Variants in FRY observed in about 807,000 individuals in gnomAD.
FRY encodes the protein protein furry homolog.
A neutral mutation model predicts 348.4 loss-of-function variants in FRY; 128 were observed. The ratio of observed to expected loss-of-function variants is 0.37; its 90% CI spans 0.32 to 0.43. The LOEUF is 0.43. Ranked by LOEUF, FRY falls within the 20% of genes least tolerant of loss-of-function variation. The probability of loss-of-function intolerance (pLI) is 1.00; values close to 1 mark genes in which losing one functional copy is unlikely to be tolerated. For missense variants in FRY, 2,736 were observed against 3,695.2 expected (o/e 0.74, Z 6.73); for synonymous variants, 1,370 against 1,374.7 (o/e 1.00, Z 0.08).
rs1237966391 is a variant in FRY, at chr13:32,294,490, T to C, written c.8703T>C (p.Thr2901=). 4.0e-5 allele frequency: 65 copies of C among 1,614,108 alleles called. No individual in the cohort carries two copies. Among genetic ancestry groups the C allele is most frequent in the Non-Finnish European group, 5.3e-5 (63 of 1,179,946 alleles). The change falls in exon 60 of 61, where the codon ACT becomes ACC. Residue 2901 remains threonine, a synonymous_variant. Coordinates refer to ENST00000542859, the MANE Select transcript of FRY (RefSeq NM_023037.3). ...GGTCCGAGCCCACCTTCACGTCCAC[T>C]GAAGCAGCCATCCAGTCCATGCTGG... ...GAWSEPTFTS[T]EAAIQSMLEC...
Position 32,247,321 on chromosome 13 carries a change from A to T in FRY, c.6829-2A>T, listed in dbSNP as rs1459265454. ...AACCCTTGAATGTTTTATTTCCTGCAGAGTGTTCACTGGAGAGAAGCTCTG... is the reference window on the plus strand; with the variant it reads ...AACCCTTGAATGTTTTATTTCCTGCTGAGTGTTCACTGGAGAGAAGCTCTG... On this transcript the variant is annotated splice_acceptor_variant, in intron 47 of 60. Coordinates refer to ENST00000542859, the MANE Select transcript of FRY (RefSeq NM_023037.3). LOFTEE classifies it high-confidence loss of function. 6.2e-7 allele frequency: 1 copy of T among 1,610,324 alleles called. No homozygotes were observed.
At chr13:32,094,934 C>A (rs1876586825) in intron 2 of FRY, among the ~76,000 whole-genome samples, 1 of 152,192 alleles carries the variant, frequency 6.6e-6, no homozygotes, top group South Asian at 2.1e-4. Context: ...AACTGTTCTC[C>A]ATAGTGGTTG....
chr13:32,241,728 TA>T (rs1310728610), intron 46 of FRY, among the ~76,000 whole-genome samples: 1 of 152,280 alleles, frequency 6.6e-6, no homozygotes, highest in East Asian at 1.9e-4. Flanking sequence ...ATACACTTTT[TA>T]AAAAAATGGT....
At chr13:32,267,918 G>GA (rs1421958750) in intron 55 of FRY, among the ~76,000 whole-genome samples, 1 of 152,188 alleles carries the variant, frequency 6.6e-6, no homozygotes, top group Non-Finnish European at 1.5e-5. Flanking sequence ...TAGCCCTTAA[G>GA]AATCAGGCCA....
intron 1 of FRY, among the ~76,000 whole-genome samples, chr13:32,040,830 T>A (rs76392400): frequency 0.017 from 2,612 of 152,286 alleles, 74 homozygotes; most frequent in African/African-American, 0.059. Context: ...TATATGATGA[T>A]ACAGCTAAAG....
chr13:32,265,567 G>A lies in FRY; in HGVS notation c.7897G>A (p.Glu2633Lys), dbSNP rs199712284. ...CSDSFSLDMT[E>K]GEEKGNRALD... Reference sequence around the variant, plus strand: ...CGACAGCTTTAGCCTGGACATGACTGAGGGGGAAGAAAAAGGCAATCGGGC... The same window carrying A: ...CGACAGCTTTAGCCTGGACATGACTAAGGGGGAAGAAAAAGGCAATCGGGC... The change falls in exon 54 of 61, where the codon GAG (glutamate) becomes AAG (lysine). Residue 2633 changes from glutamate to lysine, a missense_variant. Glu to Lys is a moderately conservative substitution (Grantham distance 56, BLOSUM62 1). This residue lies in a region of FRY where 789 missense variants were observed against 996.2 expected (regional missense o/e 0.79). Transcript: ENST00000542859. 1 of 1,614,202 alleles carries A rather than the reference G, an allele frequency of 6.2e-7. No individual in the cohort carries two copies. The highest frequency in any genetic ancestry group is 2.2e-5 in the East Asian group (1 of 44,886).
At chr13:32,204,812 T>A (rs2762038) in intron 31 of FRY, among the ~76,000 whole-genome samples, 1 of 151,710 alleles carries the variant, frequency 6.6e-6, no homozygotes, top group Non-Finnish European at 1.5e-5. Context: ...CAAGATTTGT[T>A]TGCTGCCTAC....
chr13:32,217,335 G>T (rs1431361342), intron 35 of FRY, among the ~76,000 whole-genome samples: 3 of 151,884 alleles, frequency 2.0e-5, no homozygotes, highest in African/African-American at 7.3e-5. Context: ...TGCCCACACT[G>T]CCCCTGAACC....
intron 59 of FRY, 72 bp from the exon 60 acceptor site, chr13:32,294,296 T>C (rs1395102086): frequency 9.5e-7 from 1 of 1,050,926 alleles, no homozygotes; most frequent in Non-Finnish European, 1.5e-6. Context: ...TAAGATCCTT[T>C]TTTTTTCCTT....
intron 1 of FRY, among the ~76,000 whole-genome samples, chr13:32,059,648 T>C (rs1175009792): frequency 2.1e-5 from 3 of 145,620 alleles, no homozygotes; most frequent in African/African-American, 7.7e-5. Flanking sequence ...CCAAATAGTG[T>C]ACCTTGTACC....
intron 8 of FRY, among the ~76,000 whole-genome samples, chr13:32,132,777 G>T (rs1187962454): frequency 6.6e-5 from 10 of 152,118 alleles, no homozygotes; most frequent in Non-Finnish European, 1.2e-4. Context: ...CCAAAAAGTG[G>T]AAACAACCCA....
chr13:32,150,573 G>T (rs1216230292), intron 14 of FRY, among the ~76,000 whole-genome samples: 1 of 152,008 alleles, frequency 6.6e-6, no homozygotes, highest in Non-Finnish European at 1.5e-5. Flanking sequence ...CAGTAAAAAG[G>T]ACAAAATGCC....
intron 23 of FRY, 102 bp from the exon 24 acceptor site, chr13:32,182,875 T>C (rs556490640): frequency 8.0e-6 from 6 of 753,798 alleles, no homozygotes; most frequent in African/African-American, 1.7e-5. Flanking sequence ...AGAAGCAAAG[T>C]GTAAAAAGCA....
intron 28 of FRY, among the ~76,000 whole-genome samples, chr13:32,193,840 A>G (rs990581356): frequency 1.3e-5 from 2 of 152,070 alleles, no homozygotes; most frequent in Non-Finnish European, 2.9e-5. Flanking sequence ...CACCCACCTC[A>G]GCCTCCCAAA....
intron 11 of FRY, among the ~76,000 whole-genome samples, chr13:32,145,074 A>G (rs1212934443): frequency 1.3e-5 from 2 of 152,196 alleles, no homozygotes; most frequent in African/African-American, 4.8e-5. Flanking sequence ...CACTTCTATC[A>G]TGGAAATAGA....
chr13:32,257,017 A>G (rs1384085872), intron 51 of FRY, among the ~76,000 whole-genome samples: 1 of 152,238 alleles, frequency 6.6e-6, no homozygotes, highest in Non-Finnish European at 1.5e-5. Context: ...CAGGCTGTGT[A>G]TTTAAGGTGT....
At position 32,254,209 on chromosome 13, in the gene FRY, A is replaced by T. The variant is rs908770324; in HGVS notation, c.7246-15A>T. ...AGGGAGAACGGTTTCTCAGGAGAGG[A>T]CTCTTGATTCGCAGGTGATTTTTTC... On this transcript the variant is annotated splice_polypyrimidine_tract_variant and intron_variant, in intron 50 of 60. Transcript: ENST00000542859. 2 of 1,613,076 alleles carry T rather than the reference A, an allele frequency of 1.2e-6. No homozygotes were observed. Among genetic ancestry groups the T allele is most frequent in the African/African-American group, 1.3e-5 (1 of 74,938 alleles).
chr13:32,062,905 A>G (rs368179351), intron 1 of FRY, among the ~76,000 whole-genome samples: 1 of 149,498 alleles, frequency 6.7e-6, no homozygotes, highest in African/African-American at 2.4e-5. Context: ...TTTATAATGC[A>G]TATATAATGC....
At chr13:32,218,664 T>G in intron 35 of FRY, 85 bp from the exon 36 acceptor site, 2 of 721,398 alleles carry the variant, frequency 2.8e-6, no homozygotes, top group African/African-American at 2.1e-5. Context: ...GGTGACAGAG[T>G]GAGACTCCAA....
Sources: allele counts gnomAD v4.1 joint callset (sites outside exome capture counted in the v4.1 genomes callset), GRCh38; gene constraint gnomAD v4.1.1; regional missense constraint gnomAD v4.1.1; transcripts MANE v1.5; gene names NCBI Gene and HGNC (gene_info 2026-07-23, HGNC 2026-07-21).